The following AGBL4 variants were observed in gnomAD, a reference collection of about 807,000 sequenced individuals.
AGBL4 encodes cytosolic carboxypeptidase 6.
In AGBL4, 58 loss-of-function variants were observed where a neutral mutation model predicts 66.4. That is an observed-to-expected ratio of 0.87 (90% CI 0.71 to 1.09). The LOEUF (loss-of-function observed/expected upper bound fraction) is 1.09. Among genes scored for constraint, AGBL4 ranks in the 50% least tolerant of loss-of-function variants. The pLI is 0.00. For synonymous variants in AGBL4, 234 were observed against 222.9 expected, an observed-to-expected ratio of 1.05 and a Z score of -0.44; for missense variants, 579 against 631.0, an observed-to-expected ratio of 0.92 and a Z score of 0.88.
At chr1:48,593,845 A>G (rs1371821822) in intron 9 of AGBL4, among the ~76,000 whole-genome samples, 1 of 152,242 alleles carries the variant, frequency 6.6e-6, no homozygotes, top group Non-Finnish European at 1.5e-5. Flanking sequence ...TTATATTGAC[A>G]GACTGACCTT....
chr1:49,792,444 C>G (rs1284487937), intron 2 of AGBL4, among the ~76,000 whole-genome samples: 1 of 151,908 alleles, frequency 6.6e-6, no homozygotes, highest in Non-Finnish European at 1.5e-5. Flanking sequence ...TATATATAAA[C>G]TTTGAAGTGT....
At chr1:49,183,012 G>A (rs756062491) in intron 4 of AGBL4, among the ~76,000 whole-genome samples, 5 of 152,102 alleles carry the variant, frequency 3.3e-5, no homozygotes, top group Admixed American at 6.5e-5. Context: ...CACCAAGAAA[G>A]AAGAGTCCCT....
intron 9 of AGBL4, among the ~76,000 whole-genome samples, chr1:48,615,940 G>A (rs1645311096): frequency 6.6e-6 from 1 of 152,140 alleles, no homozygotes. Context: ...GTTCTCACAT[G>A]GTGGAAGTAA....
rs140364590 is a variant in AGBL4 at position 49,028,662 on chromosome 1, G to T, written c.594+16922C>A. Among the ~76,000 whole-genome samples, 6 of 152,180 alleles carry T rather than the reference G, an allele frequency of 3.9e-5. No individual in the cohort carries two copies. The East Asian group carries it at 1.2e-3, about 29-fold the overall frequency. On this transcript the variant is annotated intron_variant, in intron 5 of 13. Coordinates refer to ENST00000371839, the MANE Select transcript of AGBL4 (RefSeq NM_032785.4). ...AACAATAGAGGGCTGAAGAAAGTGA[G>T]ATGACGTATTCAAAGTGCTGAAAGA...
intron 4 of AGBL4, among the ~76,000 whole-genome samples, chr1:49,146,064 G>T (rs1012660376): frequency 6.6e-5 from 10 of 152,132 alleles, no homozygotes; most frequent in Admixed American, 2.6e-4. Context: ...CCAAACAATT[G>T]AACTCATGGA....
At chr1:49,793,403 G>T (rs1338749318) in intron 2 of AGBL4, among the ~76,000 whole-genome samples, 2 of 151,886 alleles carry the variant, frequency 1.3e-5, no homozygotes, top group African/African-American at 4.8e-5. Flanking sequence ...AGCACACCAG[G>T]GTACTCACTT....
intron 4 of AGBL4, among the ~76,000 whole-genome samples, chr1:49,233,921 T>G (rs1650518155): frequency 6.6e-6 from 1 of 152,226 alleles, no homozygotes; most frequent in South Asian, 2.1e-4. Context: ...CAATGAAATT[T>G]GACTGAAAGT....
intron 6 of AGBL4, among the ~76,000 whole-genome samples, chr1:48,726,981 C>T (rs1430807431): frequency 6.6e-6 from 1 of 152,230 alleles, no homozygotes; most frequent in East Asian, 1.9e-4. Flanking sequence ...CTTGCCCTTT[C>T]TAATATGCCA....
intron 3 of AGBL4, among the ~76,000 whole-genome samples, chr1:49,288,568 T>C (rs561650164): frequency 6.6e-6 from 1 of 152,242 alleles, no homozygotes; most frequent in South Asian, 2.1e-4. Flanking sequence ...CTTGCAAAAT[T>C]CTAAGCTGCT....
rs138118929 is a variant in AGBL4 at position 48,740,390 on chromosome 1, T to A, written c.635-77149A>T. Among the ~76,000 whole-genome samples, 73 of 152,360 alleles carry A rather than the reference T, an allele frequency of 4.8e-4. 1 individual carries two copies. The South Asian group carries it at 0.012, about 26-fold the overall frequency. The stretch of plus-strand genomic sequence containing the variant: ...TATAGAGGAGTCCCTTCTCTGGATA[T>A]GTTTCCCTACCCATACTATGTATAA... On this transcript the variant is annotated intron_variant, in intron 6 of 13. Coordinates refer to ENST00000371839, the MANE Select transcript of AGBL4 (RefSeq NM_032785.4).
intron 1 of AGBL4, among the ~76,000 whole-genome samples, chr1:49,934,720 A>C (rs9436884): frequency 0.065 from 9,928 of 152,148 alleles, 1,021 homozygotes; most frequent in African/African-American, 0.22. Flanking sequence ...TTAAATGAGT[A>C]ACCTAACTGT....
intron 2 of AGBL4, among the ~76,000 whole-genome samples, chr1:49,814,712 C>A (rs1436074140): frequency 1.3e-5 from 2 of 151,928 alleles, no homozygotes; most frequent in East Asian, 3.9e-4. Flanking sequence ...CAGTGTTGTA[C>A]AAATATTATA....
At chr1:48,628,343 C>T (rs529600780) in intron 9 of AGBL4, among the ~76,000 whole-genome samples, 10 of 152,110 alleles carry the variant, frequency 6.6e-5, no homozygotes, top group African/African-American at 2.4e-4. Context: ...CTTGCTCCAG[C>T]GTTTTTGAGG....
chr1:49,735,194 G>A (rs527913956), intron 2 of AGBL4, among the ~76,000 whole-genome samples: 1 of 152,018 alleles, frequency 6.6e-6, no homozygotes, highest in African/African-American at 2.4e-5. Flanking sequence ...TTTTGCAGGT[G>A]TGATTACAGT....
At position 49,138,758 on chromosome 1, in the gene AGBL4, C is replaced by A. The variant is rs112616159; in HGVS notation, c.378-92958G>T. On this transcript the variant is annotated intron_variant, in intron 4 of 13. Transcript: ENST00000371839. ...GAATGGTTTCTCAAATATACCCAGG[C>A]AAGTTAGATCAGAGCAGATAGTATC... 1.9e-3 allele frequency among the ~76,000 whole-genome samples: 285 copies of A among 152,196 alleles called. 2 individuals are homozygous for A. Among genetic ancestry groups the A allele is most frequent in the African/African-American group, 6.5e-3 (269 of 41,512 alleles).
At chr1:48,797,393 C>T (rs558785718) in intron 6 of AGBL4, among the ~76,000 whole-genome samples, 5 of 152,262 alleles carry the variant, frequency 3.3e-5, no homozygotes, top group African/African-American at 4.8e-5. Context: ...TCTCCCAAGT[C>T]CCCATAATCC....
chr1:49,012,803 T>C (rs193250622), intron 5 of AGBL4, among the ~76,000 whole-genome samples: 9 of 152,340 alleles, frequency 5.9e-5, no homozygotes, highest in African/African-American at 1.9e-4. Flanking sequence ...TTGTCCCCTC[T>C]AAAACTCATG....
chr1:49,791,839 G>A (rs962742753), intron 2 of AGBL4, among the ~76,000 whole-genome samples: 4 of 151,806 alleles, frequency 2.6e-5, no homozygotes, highest in African/African-American at 9.7e-5. Context: ...AATTATATGT[G>A]TGTTCATTAA....
intron 2 of AGBL4, among the ~76,000 whole-genome samples, chr1:49,779,392 G>T (rs1571548756): frequency 6.6e-6 from 1 of 152,168 alleles, no homozygotes; most frequent in Non-Finnish European, 1.5e-5. Context: ...TTTCCTACTG[G>T]AGAACACCAA....
Sources: gnomAD v4.1 joint callset for allele counts (sites outside exome capture counted in the v4.1 genomes callset) on GRCh38, gnomAD v4.1.1 for gene constraint, MANE v1.5 for transcripts, NCBI Gene and HGNC (gene_info 2026-07-23, HGNC 2026-07-21) for gene names.